Variants in IMMT observed in about 807,000 individuals in gnomAD.
IMMT encodes inner membrane mitochondrial protein, also known as MICOS complex subunit MIC60.
In IMMT, 40 loss-of-function variants were observed where a neutral mutation model predicts 92.7. The observed-to-expected ratio is 0.43, with a 90% CI of 0.34 to 0.56. The LOEUF (loss-of-function observed/expected upper bound fraction) is 0.56. Ranked by LOEUF, IMMT falls within the 20% of genes least tolerant of loss-of-function variation. The probability of loss-of-function intolerance (pLI) is 0.03; values close to 1 mark genes in which losing one functional copy is unlikely to be tolerated. For synonymous variants in IMMT, 322 were observed against 336.1 expected (o/e 0.96, Z 0.46); for missense variants, 831 against 912.1 (o/e 0.91, Z 1.14).
At chr2:86,167,406 C>T (rs569483392) in intron 6 of IMMT, among the ~76,000 whole-genome samples, 28 of 151,244 alleles carry the variant, frequency 1.9e-4, no homozygotes, top group Admixed American at 4.6e-4. Flanking sequence ...ATCTACTGAC[C>T]CCATGATCCG....
At chr2:86,184,174 ATTTT>A (rs1001278255) in intron 1 of IMMT, among the ~76,000 whole-genome samples, 1 of 150,228 alleles carries the variant, frequency 6.7e-6, no homozygotes, top group East Asian at 1.9e-4. Context: ...CATATAAATA[ATTTT>A]TTTTTTAAGA....
At chr2:86,149,223 C>T (rs895241711) in intron 12 of IMMT, among the ~76,000 whole-genome samples, 23 of 152,152 alleles carry the variant, frequency 1.5e-4, no homozygotes, top group African/African-American at 5.6e-4. Flanking sequence ...AGGCTTAAAA[C>T]TTAAGCTTAG....
intron 11 of IMMT, 41 bp downstream of exon 11, chr2:86,153,519 A>C (rs200136815): frequency 1.5e-6 from 2 of 1,299,450 alleles, no homozygotes; most frequent in Non-Finnish European, 2.1e-6. Flanking sequence ...CTTAATACCC[A>C]AAACAAAAGA....
chr2:86,195,330 G>A lies in IMMT; in HGVS notation c.45+8C>T. 3 of 1,547,228 alleles carry A rather than the reference G, an allele frequency of 1.9e-6. No homozygotes were observed. Among genetic ancestry groups the A allele is most frequent in the South Asian group, 1.2e-5 (1 of 83,422 alleles). On this transcript the variant is annotated splice_region_variant and intron_variant, in intron 1 of 14. Transcript: ENST00000410111. ...TCCTCACGCGCCTCCGGGAGCCCCA[G>A]TGCTCACCTGGGCGGCGGCGGTCAC...
Position 86,144,767 on chromosome 2 carries a change from C to T in IMMT, c.1778G>A (p.Gly593Asp). 11 of 1,613,688 alleles carry T rather than the reference C, an allele frequency of 6.8e-6. No individual in the cohort carries two copies. Among genetic ancestry groups the T allele is most frequent in the Non-Finnish European group, 9.3e-6 (11 of 1,179,872 alleles). ...GGCTTTGATGGCCTCAACTGCACTACCCAGCGGGATAGTAGGTGTTTCTGC... is the reference window on the plus strand; with the variant it reads ...GGCTTTGATGGCCTCAACTGCACTATCCAGCGGGATAGTAGGTGTTTCTGC... The part of the protein sequence containing the change: ...SSAETPTIPL[G>D]SAVEAIKANC... Residue 593 changes from glycine to aspartate, a missense_variant, in exon 15 of 15, where the codon GGT becomes GAT. Gly to Asp is a moderately conservative substitution (Grantham distance 94). Coordinates refer to ENST00000410111, the MANE Select transcript of IMMT (RefSeq NM_006839.3).
intron 4 of IMMT, chr2:86,171,632 T>A: frequency 3.3e-6 from 1 of 301,382 alleles, no homozygotes; most frequent in South Asian, 5.2e-5. Flanking sequence ...AATAATAATA[T>A]TAACACACAA....
intron 6 of IMMT, among the ~76,000 whole-genome samples, chr2:86,168,019 C>G (rs774709102): frequency 6.6e-6 from 1 of 151,994 alleles, no homozygotes; most frequent in Non-Finnish European, 1.5e-5. Flanking sequence ...AGAAGGAATA[C>G]TCATAGCAAA....
chr2:86,192,067 T>C (rs949373674), intron 1 of IMMT, among the ~76,000 whole-genome samples: 94 of 152,096 alleles, frequency 6.2e-4, no homozygotes, highest in Non-Finnish European at 1.5e-5. Context: ...ATCCCATCTC[T>C]ACTAAAAGTC....
chr2:86,167,719 T>A (rs1202600324), intron 6 of IMMT, among the ~76,000 whole-genome samples: 7 of 151,740 alleles, frequency 4.6e-5, no homozygotes, highest in African/African-American at 1.5e-4. Context: ...CCTGACCTCG[T>A]GATCCATCCA....
At position 86,195,358 on chromosome 2, in the gene IMMT, C is replaced by T; in HGVS notation, c.25G>A (p.Gly9Ser). ...CTCACCTGGGCGGCGGCGGTCACAC[C>T]CGATAACTGACAGGCCCGCAGCATC... The part of the protein sequence containing the change: MLRACQLS[G>S]VTAAAQSCLC... The change falls in exon 1 of 15, where the codon GGT becomes AGT. Residue 9 changes from glycine to serine, a missense_variant. By Grantham distance (56) the Gly-to-Ser change is moderately conservative. Transcript: ENST00000410111. The T allele has an allele frequency of 1.9e-6, 3 of 1,550,244 alleles. No homozygotes were observed. The highest frequency in any genetic ancestry group is 1.7e-6 in the Non-Finnish European group (2 of 1,146,736).
Position 86,178,332 on chromosome 2 carries a change from G to GAA in IMMT, c.309+1099_309+1100dup, listed in dbSNP as rs58752645. Among the ~76,000 whole-genome samples the GAA allele has an allele frequency of 1.1e-4, 10 of 87,880 alleles. No homozygotes were observed. In the East Asian group the frequency reaches 2.0e-3, roughly 18 times the overall value. 57.7% of individuals were successfully genotyped at this position (87,880 alleles called of 152,430 possible). ...GACTCCATCTCAAAAAAAAAAAAAA[G>GAA]AAAAAAAAAAACTGGCCAGGCATGG... On this transcript the variant is annotated intron_variant, in intron 3 of 14. Transcript: ENST00000410111.
chr2:86,155,392 G>A (rs551431691), intron 10 of IMMT, among the ~76,000 whole-genome samples: 53 of 152,286 alleles, frequency 3.5e-4, no homozygotes, highest in Non-Finnish European at 3.7e-4. Flanking sequence ...AGTGCTAGTG[G>A]GGGAGAATGA....
chr2:86,157,671 C>A (rs868128169), intron 10 of IMMT, among the ~76,000 whole-genome samples: 2 of 151,842 alleles, frequency 1.3e-5, no homozygotes, highest in Non-Finnish European at 2.9e-5. Context: ...ACCTGTAATC[C>A]CAGCTACTCA....
chr2:86,149,181 GA>G (rs1339268075), intron 12 of IMMT, among the ~76,000 whole-genome samples: 3 of 152,170 alleles, frequency 2.0e-5, no homozygotes, highest in Admixed American at 6.5e-5. Flanking sequence ...GAAGGGATAG[GA>G]AATCTCAGTC....
intron 3 of IMMT, among the ~76,000 whole-genome samples, chr2:86,175,915 T>C (rs545998210): frequency 6.6e-6 from 1 of 152,330 alleles, no homozygotes; most frequent in South Asian, 2.1e-4. Flanking sequence ...ATGAGTTCTA[T>C]CTTTAAGCAT....
chr2:86,164,051 C>CCTTTTT (rs1333229562), intron 7 of IMMT, among the ~76,000 whole-genome samples: 1 of 83,054 alleles, frequency 1.2e-5, no homozygotes, highest in Non-Finnish European at 2.6e-5. Context: ...CCACTTTAGT[C>CCTTTTT]ATTTTTTTTT....
At chr2:86,146,032 A>C (rs757362353) in intron 14 of IMMT, 36 bp downstream of exon 14, 5 of 1,453,152 alleles carry the variant, frequency 3.4e-6, no homozygotes, top group South Asian at 1.5e-5. Context: ...TATGCTGAGG[A>C]AAATTATCTG....
chr2:86,146,164 G>C lies in IMMT; in HGVS notation c.1567C>G (p.Gln523Glu), dbSNP rs758251509. The C allele has an allele frequency of 6.2e-7, 1 of 1,609,842 alleles. No homozygotes were observed. The change falls in exon 14 of 15, where the codon CAA becomes GAA. Residue 523 changes from glutamine (Q) to glutamate (E), a missense_variant. By Grantham distance (29) the Gln-to-Glu change is conservative. Transcript: ENST00000410111. ...TGCTCTTGACTGAGACGACGAAATT[G>C]TAATTCTTGTTCAGAGAGTTTCTCA... Reference protein sequence around the residue: ...LSEKLSEQELQFRRLSQEQVD... With the variant: ...LSEKLSEQELEFRRLSQEQVD...
chr2:86,144,400 C>A lies in IMMT; in HGVS notation c.2145G>T (p.Gly715=). The A allele has an allele frequency of 6.2e-7, 1 of 1,614,002 alleles. No individual in the cohort carries two copies. The highest frequency in any genetic ancestry group is 8.5e-7 in the Non-Finnish European group (1 of 1,179,898). Residue 715 remains glycine (G), a synonymous_variant, in exon 15 of 15, where the codon GGG becomes GGT. Transcript: ENST00000410111. ...LAAKFVNQLK[G]ESRRVAQDWL... ...AGTCCTGTGCCACTCGTCTGGATTC[C>A]CCCTTCAGCTGATTGACAAACTTTG...
Sources: gnomAD v4.1 joint callset for allele counts (sites outside exome capture counted in the v4.1 genomes callset) on GRCh38, gnomAD v4.1.1 for gene constraint, MANE v1.5 for transcripts, NCBI Gene and HGNC (gene_info 2026-07-23, HGNC 2026-07-21) for gene names.